Variants in ZNF490 observed in about 807,000 individuals in gnomAD.
ZNF490 encodes zinc finger protein 490.
Under a neutral mutation model 17.7 loss-of-function variants are expected in ZNF490, and 11 were observed. The observed-to-expected ratio is 0.62, with a 90% CI of 0.39 to 1.03. ZNF490 has a LOEUF of 1.03. Ranked by LOEUF, ZNF490 falls within the 50% of genes least tolerant of loss-of-function variation. The pLI, the probability that ZNF490 is intolerant of heterozygous loss-of-function variation, is 0.00. For synonymous variants in ZNF490, 222 were observed against 216.1 expected, an observed-to-expected ratio of 1.03 and a Z score of -0.24; for missense variants, 542 against 643.4, an observed-to-expected ratio of 0.84 and a Z score of 1.71.
At chr19:12,592,419 G>C in intron 2 of ZNF490, among the ~76,000 whole-genome samples, 1 of 151,882 alleles carries the variant, frequency 6.6e-6, no homozygotes, top group East Asian at 1.9e-4. Context: ...AAAAGACGTG[G>C]AGAAACCTTG....
At chr19:12,597,378 C>A (rs1215570870) in intron 2 of ZNF490, 7 of 311,750 alleles carry the variant, frequency 2.2e-5, no homozygotes, top group Non-Finnish European at 3.9e-5. Flanking sequence ...CCCCTGACCC[C>A]TGAGTGACAG....
At chr19:12,608,060 T>C (rs1248869543) in intron 2 of ZNF490, among the ~76,000 whole-genome samples, 6 of 152,202 alleles carry the variant, frequency 3.9e-5, no homozygotes, top group Non-Finnish European at 8.8e-5. Flanking sequence ...TCCACATGCA[T>C]GAAGGCTGTA....
intron 2 of ZNF490, among the ~76,000 whole-genome samples, chr19:12,592,120 G>A (rs914318147): frequency 2.6e-5 from 4 of 152,184 alleles, no homozygotes; most frequent in Non-Finnish European, 5.9e-5. Context: ...GGCAGACCAT[G>A]AGGTCAGGAG....
Position 12,581,642 on chromosome 19 carries a change from T to C in ZNF490, c.433A>G (p.Thr145Ala), listed in dbSNP as rs780067718. The C allele has an allele frequency of 1.1e-5, 18 of 1,614,052 alleles. No individual in the cohort carries two copies. Among genetic ancestry groups the C allele is most frequent in the Non-Finnish European group, 1.5e-5 (18 of 1,180,038 alleles). ...KSTSQIPDLN[T>A]NLETPTGLKP... ...AATCCAGTAGGAGTTTCCAGGTTCG[T>C]ATTAAGATCAGGAATCTGGCTAGTG... Residue 145 changes from threonine (T) to alanine (A), a missense_variant, in exon 5 of 5, where the codon ACG becomes GCG. Physicochemically the swap from Thr to Ala is moderately conservative, Grantham distance 58. Transcript: ENST00000311437.
intron 2 of ZNF490, among the ~76,000 whole-genome samples, chr19:12,599,139 C>CAAAA (rs55911311): frequency 9.7e-3 from 660 of 68,124 alleles, no homozygotes; most frequent in African/African-American, 0.012. Flanking sequence ...GACTCTGTCT[C>CAAAA]AAAAAAAAAA....
rs2022710006 is a variant in ZNF490 at position 12,580,279 on chromosome 19, A to T, written c.*206T>A. On this transcript the variant is annotated 3_prime_UTR_variant, in exon 5 of 5. Transcript: ENST00000311437. Reference sequence around the variant, plus strand: ...TTTTCTGTCCATGGAGTCCATTCACATATCTGCAATCCCGCAGGAGAGTGC... The same window carrying T: ...TTTTCTGTCCATGGAGTCCATTCACTTATCTGCAATCCCGCAGGAGAGTGC... 4.4e-6 allele frequency: 6 copies of T among 1,351,576 alleles called. No individual in the cohort carries two copies. The East Asian group carries it at 1.1e-4, about 24-fold the overall frequency. 83.7% of individuals were successfully genotyped at this position (1,351,576 alleles called of 1,614,324 possible).
intron 2 of ZNF490, among the ~76,000 whole-genome samples, chr19:12,608,046 T>G (rs370086081): frequency 6.6e-6 from 1 of 152,184 alleles, no homozygotes; most frequent in Non-Finnish European, 1.5e-5. Flanking sequence ...GCTCAGATTA[T>G]GTATCCACAT....
intron 4 of ZNF490, among the ~76,000 whole-genome samples, chr19:12,582,409 T>C (rs910325139): frequency 1.3e-5 from 2 of 151,878 alleles, no homozygotes; most frequent in African/African-American, 2.4e-5. Context: ...TTTCTGTTGT[T>C]TTTTTAGACG....
In ZNF490 at chr19:12,584,446, G is replaced by A. The variant is rs558041275; in HGVS notation, c.163-890C>T. Among the ~76,000 whole-genome samples, 57 of 94,428 alleles carry A rather than the reference G, an allele frequency of 6.0e-4. 20 individuals carry two copies. The highest frequency in any genetic ancestry group is 1.8e-3 in the East Asian group (9 of 4,890). The allele number at this position is 94,428 out of a possible 152,430, so 61.9% of individuals were successfully genotyped here. ...GCTGGGATTACAGGCGTGAGCCACC[G>A]CGCCCGGCCACCTTATTGCTCTTTA... On this transcript the variant is annotated intron_variant, in intron 2 of 4. Transcript: ENST00000311437.
At chr19:12,610,023 T>G (rs1568284408) in intron 1 of ZNF490, 1 of 434,256 alleles carries the variant, frequency 2.3e-6, no homozygotes. Context: ...ATGCTTAAAC[T>G]AAAAACAAAC....
At position 12,578,757 on chromosome 19, in the gene ZNF490, G is replaced by A. The variant is rs2145136037; in HGVS notation, c.*1728C>T. The A allele has an allele frequency of 1.0e-6, 1 of 985,436 alleles. No homozygotes were observed. Among genetic ancestry groups the A allele is most frequent in the Non-Finnish European group, 1.2e-6 (1 of 829,942 alleles). 61.0% of individuals were successfully genotyped at this position (985,436 alleles called of 1,614,324 possible). ...CTCTCCAGTCATGTGTGAGAGCTGA[G>A]GGCAGGCACTGCCCTAGAGGGTGTT... On this transcript the variant is annotated 3_prime_UTR_variant, in exon 5 of 5. Coordinates refer to ENST00000311437, the MANE Select transcript of ZNF490 (RefSeq NM_020714.3).
intron 2 of ZNF490, among the ~76,000 whole-genome samples, chr19:12,591,933 C>A (rs1051552274): frequency 6.6e-6 from 1 of 152,068 alleles, no homozygotes; most frequent in Admixed American, 6.6e-5. Context: ...AAAACCTGCA[C>A]ATGAATGCTT....
At chr19:12,594,283 C>G (rs186395112) in intron 2 of ZNF490, among the ~76,000 whole-genome samples, 1 of 151,782 alleles carries the variant, frequency 6.6e-6, no homozygotes, top group Admixed American at 6.6e-5. Flanking sequence ...CTGGCCAATA[C>G]GGTAAAACCC....
rs1368982232 is a variant in ZNF490, at chr19:12,577,903, A to T, written c.*2582T>A. ...GAAAAGGGGGGACTGACTCCAACAAAGGACAGACCCGACCCCTATCGTGCC... is the reference window on the plus strand; with the variant it reads ...GAAAAGGGGGGACTGACTCCAACAATGGACAGACCCGACCCCTATCGTGCC... On this transcript the variant is annotated 3_prime_UTR_variant, in exon 5 of 5. Transcript: ENST00000311437. 19 of 985,486 alleles carry T rather than the reference A, an allele frequency of 1.9e-5. No homozygotes were observed. The highest frequency in any genetic ancestry group is 2.3e-5 in the Non-Finnish European group (19 of 829,964). 61.0% of individuals were successfully genotyped at this position (985,486 alleles called of 1,614,324 possible). A position where few individuals can be genotyped will look rare whatever the true frequency, so the allele number is the denominator to read the frequency against.
chr19:12,590,185 G>T (rs991784169), intron 2 of ZNF490, among the ~76,000 whole-genome samples: 5 of 151,026 alleles, frequency 3.3e-5, no homozygotes, highest in Non-Finnish European at 5.9e-5. Context: ...AAAGTGCTGG[G>T]ATTACAGGCA....
chr19:12,576,813 C>CAAAAA lies in ZNF490; in HGVS notation c.*3667_*3671dup, dbSNP rs149742929. 0.018 allele frequency among the ~76,000 whole-genome samples: 672 copies of CAAAAA among 37,430 alleles called. 36 individuals are homozygous for CAAAAA. The highest frequency in any genetic ancestry group is 0.058 in the African/African-American group (566 of 9,688). 24.6% of individuals were successfully genotyped at this position (37,430 alleles called of 152,430 possible). A position where few individuals can be genotyped will look rare whatever the true frequency, so the allele number is the denominator to read the frequency against. On this transcript the variant is annotated 3_prime_UTR_variant, in exon 5 of 5. Coordinates refer to ENST00000311437, the MANE Select transcript of ZNF490 (RefSeq NM_020714.3). ...GCCTGGCAACAGTGAGAATCCATCT[C>CAAAAA]AAAAAAAAAAAAAAAAAAAAAAACC... is the stretch of plus-strand genomic sequence containing the variant.
chr19:12,597,396 G>T, intron 2 of ZNF490: 1 of 302,468 alleles, frequency 3.3e-6, no homozygotes, highest in Non-Finnish European at 6.7e-6. Context: ...CAGCCATGCA[G>T]GAGGGCACGT....
chr19:12,598,065 A>G (rs531888841), intron 2 of ZNF490, among the ~76,000 whole-genome samples: 12 of 152,154 alleles, frequency 7.9e-5, no homozygotes, highest in Non-Finnish European at 1.3e-4. Context: ...CTCTACTAAA[A>G]ATACAAAAAT....
At chr19:12,590,001 G>A (rs949503700) in intron 2 of ZNF490, among the ~76,000 whole-genome samples, 19 of 147,168 alleles carry the variant, frequency 1.3e-4, no homozygotes, top group South Asian at 4.4e-4. Flanking sequence ...TGCAATCTCC[G>A]CCTCCTGGGT....
Sources: gnomAD v4.1 joint callset for allele counts (sites outside exome capture counted in the v4.1 genomes callset) on GRCh38, gnomAD v4.1.1 for gene constraint, MANE v1.5 for transcripts, NCBI Gene and HGNC (gene_info 2026-07-23, HGNC 2026-07-21) for gene names.